The following PLXNA1 variants were observed in gnomAD, a reference collection of about 807,000 sequenced individuals.
PLXNA1 encodes the protein plexin-A1.
Under a neutral mutation model 191.7 loss-of-function variants are expected in PLXNA1, and 77 were observed. The observed-to-expected ratio is 0.40, with a 90% CI of 0.33 to 0.49. The LOEUF (loss-of-function observed/expected upper bound fraction) is 0.49, where lower values mean the gene tolerates loss of function less well. Among genes scored for constraint, PLXNA1 ranks in the 20% least tolerant of loss-of-function variants. PLXNA1 has a pLI of 0.63. For missense variants in PLXNA1, 2,110 were observed against 2,660.2 expected (o/e 0.79, Z 4.55); for synonymous variants, 1,137 against 1,156.4 (o/e 0.98, Z 0.34).
intron 2 of PLXNA1, among the ~76,000 whole-genome samples, chr3:126,991,038 A>G (rs992195107): frequency 1.3e-5 from 2 of 152,030 alleles, no homozygotes; most frequent in African/African-American, 2.4e-5. Context: ...AACCCTCTGC[A>G]GACAAGGACC....
chr3:127,027,902 G>A, intron 23 of PLXNA1, 38 bp from the exon 24 acceptor site: 1 of 1,611,422 alleles, frequency 6.2e-7, no homozygotes, highest in East Asian at 2.2e-5. Flanking sequence ...GGTAGGCCCG[G>A]GGGTCCTGGC....
intron 3 of PLXNA1, among the ~76,000 whole-genome samples, chr3:126,999,861 C>T (rs1041051885): frequency 3.3e-5 from 5 of 152,054 alleles, no homozygotes; most frequent in African/African-American, 4.8e-5. Context: ...CCATGCCTGG[C>T]GTGGCCTGGG....
At position 127,018,300 on chromosome 3, in the gene PLXNA1, G is replaced by A; in HGVS notation, c.3667G>A (p.Ala1223Thr). 6.2e-7 allele frequency: 1 copy of A among 1,601,162 alleles called. No individual in the cohort carries two copies. Among genetic ancestry groups the A allele is most frequent in the Non-Finnish European group, 8.5e-7 (1 of 1,174,188 alleles). The part of the protein sequence containing the change: ...LTGQHKVTVR[A>T]GGFEFSPGTL... ...GGCCTCCACCCACTGGCAGGTGCGG[G>A]CAGGTGGCTTCGAGTTCTCGCCAGG... is the stretch of plus-strand genomic sequence containing the variant. Residue 1223 changes from alanine (A) to threonine (T), a missense_variant, in exon 20 of 32, where the codon GCA becomes ACA. Coordinates refer to ENST00000393409, the MANE Select transcript of PLXNA1 (RefSeq NM_032242.4).
intron 3 of PLXNA1, among the ~76,000 whole-genome samples, chr3:126,999,271 G>T (rs1264586244): frequency 6.6e-6 from 1 of 152,214 alleles, no homozygotes; most frequent in Non-Finnish European, 1.5e-5. Context: ...CTGCAGAAAG[G>T]CTGAGAAGTG....
At chr3:127,012,222 C>T (rs955102604) in intron 10 of PLXNA1, 64 bp downstream of exon 10, 4 of 1,532,118 alleles carry the variant, frequency 2.6e-6, no homozygotes, top group African/African-American at 1.4e-5. Context: ...CCTCACGGCC[C>T]TGGGTCCTGG....
chr3:127,023,117 C>T (rs540556420), intron 23 of PLXNA1, among the ~76,000 whole-genome samples: 77 of 152,238 alleles, frequency 5.1e-4, no homozygotes, highest in African/African-American at 1.8e-3. Flanking sequence ...GGTGGGGGCA[C>T]CCTGGGCAGG....
Position 126,990,906 on chromosome 3 carries a change from C to T in PLXNA1, c.1195-478C>T, listed in dbSNP as rs144764765. On this transcript the variant is annotated intron_variant, in intron 2 of 31. Coordinates refer to ENST00000393409, the MANE Select transcript of PLXNA1 (RefSeq NM_032242.4). ...TTTGTGCCCTGCCCCAAGGCTGGGGCCTGCTCTTTCATCCCTGGGGACAGT... is the reference window on the plus strand; with the variant it reads ...TTTGTGCCCTGCCCCAAGGCTGGGGTCTGCTCTTTCATCCCTGGGGACAGT... 4.6e-5 allele frequency among the ~76,000 whole-genome samples: 7 copies of T among 152,302 alleles called. No homozygotes were observed. The East Asian group carries it at 1.2e-3, about 25-fold the overall frequency.
chr3:127,024,739 G>T (rs141891197), intron 23 of PLXNA1, among the ~76,000 whole-genome samples: 1 of 152,284 alleles, frequency 6.6e-6, no homozygotes, highest in Non-Finnish European at 1.5e-5. Flanking sequence ...CGTACTGGGC[G>T]CAAGGACATG....
chr3:127,019,142 A>G (rs944180273), intron 20 of PLXNA1, among the ~76,000 whole-genome samples: 1 of 151,848 alleles, frequency 6.6e-6, no homozygotes, highest in Non-Finnish European at 1.5e-5. Context: ...TAACTCACAC[A>G]TGTTCAGGGC....
rs757936424 is a variant in PLXNA1 at position 127,012,157 on chromosome 3, C to T, written c.2312C>T (p.Ser771Leu). 1.9e-5 allele frequency: 30 copies of T among 1,610,594 alleles called. No homozygotes were observed. The highest frequency in any genetic ancestry group is 1.6e-4 in the East Asian group (7 of 44,812). The change falls in exon 10 of 32, where the codon TCG (serine) becomes TTG (leucine). Residue 771 changes from serine to leucine, a missense_variant and splice_region_variant. Transcript: ENST00000393409. ...NSSSLQCQNS[S>L]YSYEGNDVSD... ...TCCAGCCTGCAGTGCCAGAATTCCT[C>T]GGTGAGGTGGCCAGGGCAGGGGCTG...
chr3:127,019,505 A>T (rs1326310740), intron 20 of PLXNA1, among the ~76,000 whole-genome samples: 1 of 152,220 alleles, frequency 6.6e-6, no homozygotes, highest in Non-Finnish European at 1.5e-5. Context: ...GTGTGGATGC[A>T]GTGGCTGGTG....
Position 127,015,406 on chromosome 3 carries a change from C to T in PLXNA1, c.3014+86C>T, listed in dbSNP as rs138619616. ...ATGCCCCTTCTTGTTGCCTGGGCAA[C>T]GGGGCTATGGAGAGCCTGGCTGGGG... On this transcript the variant is annotated intron_variant, in intron 15 of 31. Coordinates refer to ENST00000393409, the MANE Select transcript of PLXNA1 (RefSeq NM_032242.4). 271 of 1,507,736 alleles carry T rather than the reference C, an allele frequency of 1.8e-4. 1 individual carries two copies. In the African/African-American group the frequency reaches 2.9e-3, roughly 16 times the overall value. The allele number at this position is 1,507,736 out of a possible 1,614,324, so 93.4% of individuals were successfully genotyped here. A position where few individuals can be genotyped will look rare whatever the true frequency, so the allele number is the denominator to read the frequency against.
intron 9 of PLXNA1, among the ~76,000 whole-genome samples, chr3:127,008,636 T>A (rs2079080190): frequency 6.6e-6 from 1 of 151,998 alleles, no homozygotes; most frequent in Non-Finnish European, 1.5e-5. Context: ...TGCAGCCAGG[T>A]CCCTTTCCTT....
At chr3:127,030,443 C>T (rs1012808077) in intron 29 of PLXNA1, 31 bp downstream of exon 29, 1 of 1,610,312 alleles carries the variant, frequency 6.2e-7, no homozygotes, top group Non-Finnish European at 8.5e-7. Flanking sequence ...GAGGGGCATC[C>T]CCCAGGGCCA....
rs138633058 is a variant in PLXNA1 at position 126,987,709 on chromosome 3, G to A, written c.-73-812G>A. Among the ~76,000 whole-genome samples the A allele has an allele frequency of 6.7e-3, 1,026 of 152,282 alleles. 8 individuals are homozygous for A. Among genetic ancestry groups the A allele is most frequent in the Non-Finnish European group, 0.01 (686 of 68,008 alleles). ...GTGTGAGGCTGGGAGCAGGACTGGT[G>A]GCTTGGATAGAGTGCTGAGAGTCAG... On this transcript the variant is annotated intron_variant, in intron 1 of 31. Transcript: ENST00000393409.
chr3:127,029,111 T>C lies in PLXNA1; in HGVS notation c.4773+15T>C. On this transcript the variant is annotated intron_variant, in intron 26 of 31. Transcript: ENST00000393409. ...CTCACTACCAGGTGGCTCCCGGCCC[T>C]CCGACCCTAGCACAGGCCTCCCTCC... The C allele has an allele frequency of 1.9e-6, 3 of 1,603,968 alleles. No individual in the cohort carries two copies. The highest frequency in any genetic ancestry group is 2.6e-6 in the Non-Finnish European group (3 of 1,171,700).
chr3:127,000,551 C>A (rs1234763128), intron 3 of PLXNA1, among the ~76,000 whole-genome samples: 1 of 152,220 alleles, frequency 6.6e-6, no homozygotes, highest in Non-Finnish European at 1.5e-5. Flanking sequence ...CTGGCTCCCC[C>A]TTCCCACTTT....
chr3:127,011,909 G>A (rs751764540), intron 9 of PLXNA1, 49 bp from the exon 10 acceptor site: 2 of 1,553,974 alleles, frequency 1.3e-6, no homozygotes, highest in Non-Finnish European at 1.8e-6. Context: ...GGTGCACCTT[G>A]CTCACTGGTC....
chr3:127,028,303 C>T lies in PLXNA1; in HGVS notation c.4632C>T (p.Pro1544=), dbSNP rs1164379787. The change falls in exon 25 of 32, where the codon CCC becomes CCT. Residue 1544 remains proline, a synonymous_variant. Transcript: ENST00000393409. ...KLLDAAYKGV[P]YSQRPKAADM... ...TGGACGCTGCCTACAAGGGCGTGCC[C>T]TACTCCCAGCGGCCCAAGGCCGCGG... 1.2e-6 allele frequency: 2 copies of T among 1,612,366 alleles called. No homozygotes were observed. Among genetic ancestry groups the T allele is most frequent in the African/African-American group, 1.3e-5 (1 of 74,942 alleles).
Sources: gnomAD v4.1 joint callset for allele counts (sites outside exome capture counted in the v4.1 genomes callset) on GRCh38, gnomAD v4.1.1 for gene constraint, MANE v1.5 for transcripts, NCBI Gene and HGNC (gene_info 2026-07-23, HGNC 2026-07-21) for gene names.